The following TNS1 variants were observed in gnomAD, a reference collection of about 807,000 sequenced individuals.
The protein encoded by TNS1 is tensin-1.
TNS1 carries 62 observed loss-of-function variants against 168.6 expected under a neutral mutation model. The observed-to-expected ratio is 0.37, with a 90% CI of 0.30 to 0.45. The LOEUF (loss-of-function observed/expected upper bound fraction) is 0.45. Ranked by LOEUF, TNS1 falls within the 20% of genes least tolerant of loss-of-function variation. The pLI, the probability that TNS1 is intolerant of heterozygous loss-of-function variation, is 1.00. For missense variants in TNS1, 2,240 were observed against 2,339.4 expected (o/e 0.96, Z 0.88); for synonymous variants, 934 against 933.2 (o/e 1.00, Z -0.02).
intron 18 of TNS1, among the ~76,000 whole-genome samples, chr2:217,873,026 G>T (rs1007271272): frequency 6.6e-6 from 1 of 152,196 alleles, no homozygotes; most frequent in African/African-American, 2.4e-5. Context: ...TTGGGAGTTG[G>T]TGGCAGAAGT....
intron 3 of TNS1, among the ~76,000 whole-genome samples, chr2:217,922,192 G>A (rs1235392963): frequency 6.6e-6 from 1 of 152,198 alleles, no homozygotes; most frequent in Admixed American, 6.5e-5. Context: ...CCCCAGAGCT[G>A]GCTGTGGCCT....
At chr2:217,953,571 T>C (rs1250974505) in intron 3 of TNS1, among the ~76,000 whole-genome samples, 1 of 152,210 alleles carries the variant, frequency 6.6e-6, no homozygotes. Context: ...AGGCCAATCA[T>C]AGCCTGCCCT....
chr2:217,893,392 G>GCA (rs749686896), intron 10 of TNS1, 47 bp downstream of exon 10: 51 of 1,478,928 alleles, frequency 3.4e-5, no homozygotes, highest in South Asian at 1.8e-4. Context: ...GTGCGCATGT[G>GCA]CGCGCGCGCA....
Position 217,848,557 on chromosome 2 carries a change from T to C in TNS1, c.1960A>G (p.Ser654Gly), listed in dbSNP as rs549825709. 2.5e-6 allele frequency: 4 copies of C among 1,614,124 alleles called. No individual in the cohort carries two copies. The highest frequency in any genetic ancestry group is 1.7e-5 in the Admixed American group (1 of 60,020). The change falls in exon 19 of 33, where the codon AGT becomes GGT. Residue 654 changes from serine (S) to glycine (G), a missense_variant. Ser to Gly is a moderately conservative substitution (Grantham distance 56). Around this residue, in one of 2 missense-constraint regions of TNS1, gnomAD observed 2,131 missense variants for 2,171.2 expected, o/e 0.98. Coordinates refer to ENST00000682258, the MANE Select transcript of TNS1 (RefSeq NM_001387777.1). Reference protein sequence around the residue: ...LSSLDGVTNTSEGGYPEALSP... With the variant: ...LSSLDGVTNTGEGGYPEALSP... ...AGGGCCTCTGGGTAGCCCCCCTCAC[T>C]GGTGTTGGTGACCCCGTCCAGAGAA... is the stretch of plus-strand genomic sequence containing the variant.
At chr2:217,920,145 C>T (rs1346730192) in intron 4 of TNS1, 50 bp downstream of exon 4, 5 of 702,878 alleles carry the variant, frequency 7.1e-6, no homozygotes, top group East Asian at 5.4e-5. Context: ...CTGGGAGCTG[C>T]GGAGGGAGAG....
intron 1 of TNS1, among the ~76,000 whole-genome samples, chr2:218,022,534 A>G (rs76133039): frequency 5.8e-4 from 89 of 152,270 alleles, no homozygotes; most frequent in African/African-American, 2.1e-3. Flanking sequence ...CCTCCTGGGA[A>G]GAGGGGACAA....
At chr2:217,991,846 G>A (rs1466676300) in intron 1 of TNS1, among the ~76,000 whole-genome samples, 3 of 151,374 alleles carry the variant, frequency 2.0e-5, no homozygotes, top group Non-Finnish European at 4.4e-5. Flanking sequence ...TCAATTCTTT[G>A]CATTATGAAA....
chr2:217,813,617 A>G lies in TNS1; in HGVS notation c.4861+68T>C. The G allele has an allele frequency of 6.5e-7, 1 of 1,538,380 alleles. No homozygotes were observed. The highest frequency in any genetic ancestry group is 8.7e-7 in the Non-Finnish European group (1 of 1,142,920). On this transcript the variant is annotated intron_variant, in intron 26 of 32. Transcript: ENST00000682258. The surrounding 1 kb of genome is among the most constrained non-coding windows in gnomAD (Gnocchi z 4.0). ...CCTGCCCAGCACCCTGGGTCCCTCC[A>G]GCACCTCCAGGTTTAGCGACTGTAA...
At chr2:218,000,042 C>T (rs1958534849) in intron 1 of TNS1, among the ~76,000 whole-genome samples, 1 of 152,200 alleles carries the variant, frequency 6.6e-6, no homozygotes, top group Non-Finnish European at 1.5e-5. Context: ...TCTAACTCCT[C>T]CAGCACAACA....
chr2:217,884,987 C>T, intron 16 of TNS1, 48 bp downstream of exon 16: 1 of 1,610,534 alleles, frequency 6.2e-7, no homozygotes, highest in Non-Finnish European at 8.5e-7. Context: ...CTGAGCTCCT[C>T]TCCCTGCCAC....
intron 19 of TNS1, among the ~76,000 whole-genome samples, chr2:217,837,497 G>A (rs543109641): frequency 1.4e-4 from 21 of 152,312 alleles, no homozygotes; most frequent in Admixed American, 4.6e-4. Context: ...TCTGAGACAC[G>A]CCCTCATACT....
At chr2:217,902,493 G>A (rs548574360) in intron 6 of TNS1, among the ~76,000 whole-genome samples, 1 of 152,160 alleles carries the variant, frequency 6.6e-6, no homozygotes, top group African/African-American at 2.4e-5. Context: ...GGGAACCAAG[G>A]GGGGCCGGGA....
intron 28 of TNS1, 78 bp from the exon 29 acceptor site, chr2:217,810,397 C>T (rs1940632780): frequency 2.1e-6 from 3 of 1,395,796 alleles, no homozygotes; most frequent in African/African-American, 2.8e-5. Context: ...AAGGTGAGCT[C>T]TGCAACTCTT....
In TNS1 at chr2:217,876,632, C is replaced by T. The variant is rs1950227254; in HGVS notation, c.1429+4266G>A. Among the ~76,000 whole-genome samples, 4 of 152,146 alleles carry T rather than the reference C, an allele frequency of 2.6e-5. No homozygotes were observed. In the South Asian group the frequency reaches 8.3e-4, roughly 32 times the overall value. ...GATTCCTGTTTTGCAACCCTAACCC[C>T]CAGCAGCTCAGTATGCCACTGTATT... is the stretch of plus-strand genomic sequence containing the variant. On this transcript the variant is annotated intron_variant, in intron 18 of 32. Transcript: ENST00000682258.
intron 23 of TNS1, among the ~76,000 whole-genome samples, chr2:217,819,319 G>C (rs1009110492): frequency 6.6e-6 from 1 of 152,190 alleles, no homozygotes; most frequent in South Asian, 2.1e-4. Flanking sequence ...CACATCAGGG[G>C]ATTTGAGGTC....
chr2:217,971,587 C>T (rs1023760708), intron 3 of TNS1, among the ~76,000 whole-genome samples: 1 of 152,194 alleles, frequency 6.6e-6, no homozygotes, highest in Non-Finnish European at 1.5e-5. Flanking sequence ...GGATAAATAT[C>T]TTGGAGTGGA....
intron 11 of TNS1, 67 bp from the exon 12 acceptor site, chr2:217,891,112 C>T (rs1036829588): frequency 1.3e-6 from 2 of 1,522,346 alleles, no homozygotes; most frequent in African/African-American, 1.4e-5. Context: ...TTTTCCCCAC[C>T]CCTGCTCCCT....
chr2:218,027,892 G>A (rs1357772986), intron 1 of TNS1, among the ~76,000 whole-genome samples: 1 of 152,180 alleles, frequency 6.6e-6, no homozygotes, highest in African/African-American at 2.4e-5. Flanking sequence ...CTGCAGGCTG[G>A]GCCAGAGGAC....
chr2:217,848,832 T>A lies in TNS1; in HGVS notation c.1685A>T (p.Lys562Met). ...ACTCAGCAGGCGGTCCAGCTCCCGCTTCTCCTGGGGACTCAAGGCAGCAGT... is the reference window on the plus strand; with the variant it reads ...ACTCAGCAGGCGGTCCAGCTCCCGCATCTCCTGGGGACTCAAGGCAGCAGT... Reference protein sequence around the residue: ...SATAALSPQEKRELDRLLSGF... With the variant: ...SATAALSPQEMRELDRLLSGF... Residue 562 changes from lysine (K) to methionine (M), a missense_variant, in exon 19 of 33, where the codon AAG (lysine) becomes ATG (methionine). By Grantham distance (95) the Lys-to-Met change is moderately conservative. Around this residue, in one of 2 missense-constraint regions of TNS1, gnomAD observed 2,131 missense variants for 2,171.2 expected, o/e 0.98. Coordinates refer to ENST00000682258, the MANE Select transcript of TNS1 (RefSeq NM_001387777.1). The A allele has an allele frequency of 6.2e-7, 1 of 1,613,978 alleles. No individual in the cohort carries two copies. The highest frequency in any genetic ancestry group is 1.3e-5 in the African/African-American group (1 of 74,970).
Sources: gnomAD v4.1 joint callset for allele counts (sites outside exome capture counted in the v4.1 genomes callset) on GRCh38, gnomAD v4.1.1 for gene constraint, gnomAD v4.1.1 regional missense constraint, Gnocchi (gnomAD v3.1) non-coding constraint, MANE v1.5 for transcripts, NCBI Gene and HGNC (gene_info 2026-07-23, HGNC 2026-07-21) for gene names.